The following CUBN variants were observed in gnomAD, a reference collection of about 807,000 sequenced individuals.
The protein encoded by CUBN is cubilin.
In CUBN, 282 loss-of-function variants were observed where a neutral mutation model predicts 405.3. That is an observed-to-expected ratio of 0.70 (90% confidence interval 0.63 to 0.77). The LOEUF is 0.77. CUBN is among the 30% of genes least tolerant of loss of function. CUBN has a pLI of 0.00. For missense variants in CUBN, 4,514 were observed against 4,475.2 expected (o/e 1.01, Z -0.25); for synonymous variants, 1,684 against 1,617.0 (o/e 1.04, Z -0.99).
chr10:16,841,249 A>G (rs536090831), intron 60 of CUBN, among the ~76,000 whole-genome samples: 23 of 152,136 alleles, frequency 1.5e-4, no homozygotes, highest in African/African-American at 5.3e-4. Flanking sequence ...GACGCCTAAC[A>G]TTTTTTTCCT....
At chr10:17,056,092 TAG>T (rs1835389056) in intron 22 of CUBN, among the ~76,000 whole-genome samples, 1 of 151,522 alleles carries the variant, frequency 6.6e-6, no homozygotes, top group Non-Finnish European at 1.5e-5. Context: ...TGTGATGAAA[TAG>T]AGATTCCAGA....
At chr10:16,831,138 ATAAAC>A in intron 65 of CUBN, 109 bp downstream of exon 65, 1 of 924,706 alleles carries the variant, frequency 1.1e-6, no homozygotes, top group African/African-American at 1.6e-5. Context: ...TATTCTTAAC[ATAAAC>A]TAATCAGGTA....
In CUBN at chr10:17,040,962, G is replaced by T; in HGVS notation, c.4017+71C>A. The T allele has an allele frequency of 2.8e-6, 4 of 1,439,736 alleles. No individual in the cohort carries two copies. In the South Asian group the frequency reaches 4.6e-5, roughly 17 times the overall value. The allele number at this position is 1,439,736 out of a possible 1,614,324, so 89.2% of individuals were successfully genotyped here. ...TTAGGGATTTTATTCTAAAAAGCATGATGGATTCTAACTTGACACATCTCC... is the reference window on the plus strand; with the variant it reads ...TTAGGGATTTTATTCTAAAAAGCATTATGGATTCTAACTTGACACATCTCC... On this transcript the variant is annotated intron_variant, in intron 27 of 66. Transcript: ENST00000377833.
chr10:17,112,511 A>G (rs1836794083), intron 8 of CUBN, among the ~76,000 whole-genome samples: 1 of 152,176 alleles, frequency 6.6e-6, no homozygotes, highest in South Asian at 2.1e-4. Flanking sequence ...AGAAGAATGT[A>G]AAAACATTGC....
chr10:17,093,003 A>G (rs1344362514), intron 14 of CUBN, among the ~76,000 whole-genome samples: 1 of 152,200 alleles, frequency 6.6e-6, no homozygotes, highest in Non-Finnish European at 1.5e-5. Flanking sequence ...AACAAACAGC[A>G]AAGGACTGTA....
chr10:16,983,065 T>C (rs7915275), intron 30 of CUBN, among the ~76,000 whole-genome samples: 430 of 152,284 alleles, frequency 2.8e-3, no homozygotes, highest in African/African-American at 1.0e-2. Flanking sequence ...ATCTACCCTT[T>C]AAAAATTTAA....
rs375378132 is a variant in CUBN at position 17,085,244 on chromosome 10, G to A, written c.2110+353C>T. Among the ~76,000 whole-genome samples, 31 of 152,224 alleles carry A rather than the reference G, an allele frequency of 2.0e-4. 1 individual carries two copies. The highest frequency in any genetic ancestry group is 8.5e-4 in the Admixed American group (13 of 15,278). On this transcript the variant is annotated intron_variant, in intron 16 of 66. Coordinates refer to ENST00000377833, the MANE Select transcript of CUBN (RefSeq NM_001081.4). ...GCCCCTGTGCAGCTGGACTTGACCCGAGGATAAAATCCAGAGAGACTGCAC... is the reference window on the plus strand; with the variant it reads ...GCCCCTGTGCAGCTGGACTTGACCCAAGGATAAAATCCAGAGAGACTGCAC...
At chr10:17,017,055 G>A (rs1443718743) in intron 28 of CUBN, among the ~76,000 whole-genome samples, 1 of 152,148 alleles carries the variant, frequency 6.6e-6, no homozygotes, top group Non-Finnish European at 1.5e-5. Context: ...TTCAGGGTTT[G>A]CGGGTCAAAT....
intron 28 of CUBN, among the ~76,000 whole-genome samples, chr10:17,010,130 G>A (rs925329039): frequency 3.3e-5 from 5 of 152,200 alleles, no homozygotes; most frequent in African/African-American, 1.2e-4. Flanking sequence ...ATGTGCACAG[G>A]AGCATCTGGG....
At chr10:16,938,864 CAT>C (rs2131604591) in intron 38 of CUBN, 97 bp downstream of exon 38, 16 of 1,074,226 alleles carry the variant, frequency 1.5e-5, no homozygotes, top group South Asian at 1.4e-4. Context: ...GACTATCCCA[CAT>C]GATTTGCAAA....
chr10:17,106,304 TATA>T (rs987340452), intron 10 of CUBN, among the ~76,000 whole-genome samples: 2 of 145,554 alleles, frequency 1.4e-5, no homozygotes, highest in Non-Finnish European at 3.0e-5. Flanking sequence ...ATTTTTTAAT[TATA>T]ATAATAATAA....
chr10:16,928,764 C>T (rs1842282871), intron 40 of CUBN, among the ~76,000 whole-genome samples: 2 of 152,030 alleles, frequency 1.3e-5, no homozygotes, highest in African/African-American at 4.8e-5. Context: ...CTCCTCATCT[C>T]AAGTGATCCG....
At chr10:16,912,107 G>C (rs1588643144) in intron 48 of CUBN, among the ~76,000 whole-genome samples, 1 of 152,026 alleles carries the variant, frequency 6.6e-6, no homozygotes, top group Admixed American at 6.5e-5. Flanking sequence ...AAACACACTT[G>C]GTTTCTTATT....
chr10:17,056,214 T>C (rs983767656), intron 22 of CUBN, among the ~76,000 whole-genome samples: 2 of 151,990 alleles, frequency 1.3e-5, no homozygotes, highest in East Asian at 3.8e-4. Flanking sequence ...GCTTGAACAA[T>C]TAAATACCAT....
intron 27 of CUBN, chr10:17,023,464 A>C (rs1237322886): frequency 3.1e-6 from 1 of 319,376 alleles, no homozygotes; most frequent in East Asian, 7.8e-5. Context: ...CAGATGGGTA[A>C]CGTCACCTCT....
At chr10:16,877,897 G>T (rs749793498) in intron 56 of CUBN, among the ~76,000 whole-genome samples, 22 of 152,150 alleles carry the variant, frequency 1.4e-4, no homozygotes, top group Admixed American at 3.3e-4. Context: ...TACCTAATTT[G>T]TATTAATAGG....
chr10:16,857,971 T>A (rs1197836235), intron 59 of CUBN, among the ~76,000 whole-genome samples: 2 of 152,136 alleles, frequency 1.3e-5, no homozygotes, highest in African/African-American at 4.8e-5. Flanking sequence ...GAACTCAGGA[T>A]AAAGGAACAA....
At chr10:16,904,483 T>G (rs552322445) in intron 50 of CUBN, among the ~76,000 whole-genome samples, 51 of 152,334 alleles carry the variant, frequency 3.3e-4, no homozygotes, top group Non-Finnish European at 1.3e-4. Context: ...AGTGATAAAA[T>G]ATATCCTCAA....
At chr10:16,893,373 G>A (rs1387619109) in intron 54 of CUBN, among the ~76,000 whole-genome samples, 3 of 148,258 alleles carry the variant, frequency 2.0e-5, no homozygotes, top group Non-Finnish European at 4.5e-5. Flanking sequence ...ATTTTACTCA[G>A]TTTCCTAGTT....
Sources: allele counts gnomAD v4.1 joint callset (sites outside exome capture counted in the v4.1 genomes callset), GRCh38; gene constraint gnomAD v4.1.1; transcripts MANE v1.5; gene names NCBI Gene and HGNC (gene_info 2026-07-23, HGNC 2026-07-21).